NPAS3: variants seen among roughly 807,000 people sequenced by gnomAD.
NPAS3 encodes the protein neuronal PAS domain-containing protein 3.
A neutral mutation model predicts 73.1 loss-of-function variants in NPAS3; 14 were observed. That is an observed-to-expected ratio of 0.19 (90% CI 0.13 to 0.30). NPAS3 has a LOEUF of 0.30. NPAS3 is among the 10% of genes least tolerant of loss of function. NPAS3 has a pLI of 1.00. For missense variants in NPAS3, 1,096 were observed against 1,250.0 expected, an observed-to-expected ratio of 0.88 and a Z score of 1.86; for synonymous variants, 620 against 541.5, an observed-to-expected ratio of 1.14 and a Z score of -2.01.
chr14:33,031,808 A>T (rs2040005268), intron 1 of NPAS3, among the ~76,000 whole-genome samples: 1 of 152,226 alleles, frequency 6.6e-6, no homozygotes, highest in African/African-American at 2.4e-5. Context: ...GGCCCTTGCC[A>T]TGTGTTTTGT....
intron 2 of NPAS3, among the ~76,000 whole-genome samples, chr14:33,116,866 T>G (rs2043082036): frequency 6.6e-6 from 1 of 152,126 alleles, no homozygotes; most frequent in Admixed American, 6.6e-5. Flanking sequence ...CAAGGCAAGC[T>G]GCAACATGTA....
Position 33,800,200 on chromosome 14 carries a change from G to A in NPAS3, c.1893G>A (p.Val631=). 1 of 1,612,142 alleles carries A rather than the reference G, an allele frequency of 6.2e-7. No individual in the cohort carries two copies. The highest frequency in any genetic ancestry group is 1.7e-4 in the Middle Eastern group (1 of 6,052). The change falls in exon 12 of 12, where the codon GTG becomes GTA. Residue 631 remains valine (V), a synonymous_variant. Coordinates refer to ENST00000356141, the Ensembl canonical transcript of NPAS3. This position sits in a 1 kb window ranked among gnomAD's most constrained non-coding sequence, Gnocchi z 6.5. ...CAGGCGGCCTGGACGCGGGCCTGGT[G>A]GAGCCCCCGCGGCTGCTGTCCTCCC...
intron 1 of NPAS3, among the ~76,000 whole-genome samples, chr14:32,970,907 T>C (rs986682539): frequency 2.6e-5 from 4 of 152,078 alleles, no homozygotes; most frequent in African/African-American, 9.7e-5. Context: ...TATTTCTAAG[T>C]AGGGACTGGG....
At chr14:33,137,066 C>CA (rs113259031) in intron 2 of NPAS3, among the ~76,000 whole-genome samples, 4 of 151,524 alleles carry the variant, frequency 2.6e-5, no homozygotes, top group African/African-American at 9.7e-5. Flanking sequence ...GTAATCAATG[C>CA]AAAAAAAGAA....
At chr14:33,316,628 T>C (rs12894847) in intron 3 of NPAS3, among the ~76,000 whole-genome samples, 34,702 of 152,084 alleles carry the variant, frequency 0.23, 4,683 homozygotes, top group Middle Eastern at 0.35. Flanking sequence ...CCTTGTTATA[T>C]TCTTATCTGG....
At chr14:33,755,826 G>T (rs1226087499) in intron 7 of NPAS3, among the ~76,000 whole-genome samples, 1 of 152,152 alleles carries the variant, frequency 6.6e-6, no homozygotes, top group African/African-American at 2.4e-5. Context: ...ACATCAGGCT[G>T]CTTCCACTCG....
At chr14:33,306,589 G>T (rs2042764044) in intron 3 of NPAS3, among the ~76,000 whole-genome samples, 1 of 152,216 alleles carries the variant, frequency 6.6e-6, no homozygotes, top group South Asian at 2.1e-4. Context: ...TCCTGAAGAT[G>T]TGAGCCTGAA....
intron 2 of NPAS3, among the ~76,000 whole-genome samples, chr14:33,133,496 T>A (rs545876027): frequency 6.6e-5 from 10 of 152,332 alleles, no homozygotes; most frequent in African/African-American, 2.4e-4. Context: ...AGCCAACTAC[T>A]GTAACTTCCC....
Position 33,800,664 on chromosome 14 carries a change from A to C in NPAS3, c.2357A>C (p.Tyr786Ser), listed in dbSNP as rs1323220496. ...CCCAGCGCGTCCAACTCCTTGCTGTACACTGGGGACCTGGAGGCGCTGCAG... is the reference window on the plus strand; with the variant it reads ...CCCAGCGCGTCCAACTCCTTGCTGTCCACTGGGGACCTGGAGGCGCTGCAG... Residue 786 changes from tyrosine (Y) to serine (S), a missense_variant, in exon 12 of 12, where the codon TAC becomes TCC. By Grantham distance (144) the Tyr-to-Ser change is moderately radical. Around this residue, in one of 5 missense-constraint regions of NPAS3, gnomAD observed 698 missense variants for 676.7 expected, o/e 1.03. Coordinates refer to ENST00000356141, the Ensembl canonical transcript of NPAS3. The surrounding 1 kb of genome is among the most constrained non-coding windows in gnomAD (Gnocchi z 6.5). The C allele has an allele frequency of 6.5e-7, 1 of 1,542,096 alleles. No individual in the cohort carries two copies. Among genetic ancestry groups the C allele is most frequent in the Non-Finnish European group, 8.7e-7 (1 of 1,146,506 alleles).
intron 7 of NPAS3, among the ~76,000 whole-genome samples, chr14:33,745,174 A>G (rs542504891): frequency 5.1e-4 from 77 of 152,346 alleles, no homozygotes; most frequent in South Asian, 1.2e-3. Context: ...GCTCAAGCCC[A>G]GGAGTTCGAG....
chr14:33,172,050 T>C (rs1427462799), intron 2 of NPAS3, among the ~76,000 whole-genome samples: 2 of 152,094 alleles, frequency 1.3e-5, no homozygotes, highest in Non-Finnish European at 2.9e-5. Context: ...TGCCATCGTA[T>C]ATAAGCATGA....
At chr14:33,235,007 TA>T (rs1313884589) in intron 3 of NPAS3, among the ~76,000 whole-genome samples, 2 of 152,112 alleles carry the variant, frequency 1.3e-5, no homozygotes, top group African/African-American at 2.4e-5. Context: ...ACAAACTAGA[TA>T]AAACCAGATA....
At chr14:33,498,931 A>AGTGTGTGTGT (rs768888278) in intron 4 of NPAS3, among the ~76,000 whole-genome samples, 11 of 119,330 alleles carry the variant, frequency 9.2e-5, no homozygotes, top group South Asian at 6.4e-4. Context: ...AGAGACAGAG[A>AGTGTGTGTGT]GAGAGTGTGT....
At chr14:33,196,896 C>A (rs931060033) in intron 2 of NPAS3, among the ~76,000 whole-genome samples, 4 of 152,098 alleles carry the variant, frequency 2.6e-5, no homozygotes, top group African/African-American at 9.7e-5. Context: ...TTGTGCAATT[C>A]AATAATTTGG....
chr14:33,719,617 C>T (rs1019704286), intron 6 of NPAS3, among the ~76,000 whole-genome samples: 13 of 152,198 alleles, frequency 8.5e-5, no homozygotes, highest in African/African-American at 2.9e-4. Context: ...AGAAAAGAAG[C>T]GGAGTCTTAA....
chr14:33,038,842 T>C (rs116683007), intron 1 of NPAS3, among the ~76,000 whole-genome samples: 119 of 152,310 alleles, frequency 7.8e-4, no homozygotes, highest in African/African-American at 2.8e-3. Context: ...TACAAGGTCA[T>C]TGTTGTAAAT....
intron 2 of NPAS3, among the ~76,000 whole-genome samples, chr14:33,088,072 G>A (rs569719644): frequency 3.3e-5 from 5 of 152,256 alleles, no homozygotes; most frequent in South Asian, 2.1e-4. Flanking sequence ...CCAAGATCGC[G>A]GAATAGGAAG....
intron 4 of NPAS3, among the ~76,000 whole-genome samples, chr14:33,508,929 G>C (rs190079197): frequency 2.0e-5 from 3 of 152,078 alleles, no homozygotes; most frequent in East Asian, 3.9e-4. Flanking sequence ...CTGCCCTGCG[G>C]TCTCTGGCAT....
intron 4 of NPAS3, among the ~76,000 whole-genome samples, chr14:33,529,646 T>C (rs115992697): frequency 2.0e-5 from 3 of 151,716 alleles, no homozygotes; most frequent in East Asian, 3.9e-4. Context: ...TGTATGTATG[T>C]TTTTTTTCTT....
Sources: allele counts gnomAD v4.1 joint callset (sites outside exome capture counted in the v4.1 genomes callset), GRCh38; gene constraint gnomAD v4.1.1; regional missense constraint gnomAD v4.1.1; non-coding constraint Gnocchi (gnomAD v3.1); transcripts MANE v1.5; gene names NCBI Gene and HGNC (gene_info 2026-07-23, HGNC 2026-07-21).